The following VGF variants were observed in gnomAD, a reference collection of about 807,000 sequenced individuals.
VGF encodes VGF nerve growth factor inducible.
Under a neutral mutation model 41.1 loss-of-function variants are expected in VGF, and 13 were observed. The ratio of observed to expected loss-of-function variants is 0.32; its 90% confidence interval spans 0.21 to 0.50. The LOEUF (loss-of-function observed/expected upper bound fraction) is 0.50, where lower values mean the gene tolerates loss of function less well. VGF is among the 20% of genes least tolerant of loss of function. The pLI is 0.98. For missense variants in VGF, 920 were observed against 882.1 expected (o/e 1.04, Z -0.54); for synonymous variants, 473 against 418.3 (o/e 1.13, Z -1.60).
In VGF at chr7:101,163,590, C is replaced by A. The variant is rs1404460537; in HGVS notation, c.1254G>T (p.Lys418Asn). ...GGCCCGGCGTCTCCTCCTGGGAGCG[C>A]TTGTCCTCGGCGCCGGCTTCCCCGT... ...EEDGEAGAED[K>N]RSQEETPGHR... Residue 418 changes from lysine (K) to asparagine (N), a missense_variant, in exon 2 of 2, where the codon AAG (lysine) becomes AAT (asparagine). This residue lies in a region of VGF where 654 missense variants were observed against 638.4 expected (regional missense o/e 1.02). Coordinates refer to ENST00000249330, the MANE Select transcript of VGF (RefSeq NM_003378.4). This position sits in a 1 kb window ranked among gnomAD's most constrained non-coding sequence, Gnocchi z 5.0. 6.4e-7 allele frequency: 1 copy of A among 1,567,432 alleles called. No homozygotes were observed. Among genetic ancestry groups the A allele is most frequent in the Non-Finnish European group, 8.6e-7 (1 of 1,157,154 alleles).
Position 101,163,154 on chromosome 7 carries a change from G to T in VGF, c.1690C>A (p.Arg564Ser). The change falls in exon 2 of 2, where the codon CGC becomes AGC. Residue 564 changes from arginine to serine, a missense_variant. Physicochemically the swap from Arg to Ser is moderately radical, Grantham distance 110 (BLOSUM62 -1). Transcript: ENST00000249330. The surrounding 1 kb of genome is among the most constrained non-coding windows in gnomAD (Gnocchi z 5.0). ...TLQPPSALRR[R>S]HYHHALPPSR... ...GGCGGCAAGGCGTGGTGGTAGTGGC[G>T]GCGGCGCAAGGCCGAGGGCGGCTGC... The T allele has an allele frequency of 6.3e-7, 1 of 1,574,814 alleles. No homozygotes were observed.
rs776332228 is a variant in VGF at position 101,163,505 on chromosome 7, T to A, written c.1339A>T (p.Met447Leu). Reference sequence around the variant, plus strand: ...AGGCTGTCGATCGTCTGCGGATCCATCTCCTCGTCGTCCTCCTCCTCCCCG... The same window carrying A: ...AGGCTGTCGATCGTCTGCGGATCCAACTCCTCGTCGTCCTCCTCCTCCCCG... ...EGGEEEDDEE[M>L]DPQTIDSLIE... The change falls in exon 2 of 2, where the codon ATG becomes TTG. Residue 447 changes from methionine to leucine, a missense_variant. This residue lies in a region of VGF where 654 missense variants were observed against 638.4 expected (regional missense o/e 1.02). Transcript: ENST00000249330. The surrounding 1 kb of genome is among the most constrained non-coding windows in gnomAD (Gnocchi z 5.0). 1.2e-6 allele frequency: 2 copies of A among 1,612,118 alleles called. No individual in the cohort carries two copies. Among genetic ancestry groups the A allele is most frequent in the East Asian group, 2.2e-5 (1 of 44,816 alleles).
chr7:101,163,674 T>G lies in VGF; in HGVS notation c.1170A>C (p.Ala390=), dbSNP rs1562868405. ...GCGCCCTCTCCGCCTCCTCCGCCTC[T>G]GCCTCCGCCTCGGCCGCCTCCTCAT... The part of the protein sequence containing the change: ...EEDEEAAEAE[A]EAEEAERARQ... The change falls in exon 2 of 2, where the codon GCA becomes GCC. Residue 390 remains alanine, a synonymous_variant. Transcript: ENST00000249330. The surrounding 1 kb of genome is among the most constrained non-coding windows in gnomAD (Gnocchi z 5.0). The G allele has an allele frequency of 6.5e-7, 1 of 1,537,958 alleles. No individual in the cohort carries two copies. Among genetic ancestry groups the G allele is most frequent in the Admixed American group, 2.0e-5 (1 of 50,986 alleles).
At chr7:101,166,295 C>A (rs1797217540), upstream of VGF, among the ~76,000 whole-genome samples, 1 of 152,196 alleles carries the variant, frequency 6.6e-6, no homozygotes, top group African/African-American at 2.4e-5. Flanking sequence ...GATGTGTGTG[C>A]CTCTGGGTCG....
In VGF at chr7:101,164,324, C is replaced by T; in HGVS notation, c.520G>A (p.Ala174Thr). The T allele has an allele frequency of 6.2e-7, 1 of 1,611,122 alleles. No homozygotes were observed. Reference sequence around the variant, plus strand: ...GCCGCCGTCTCCTGCTGGCGCTTGGCGCTACTTGGACTGAAATCTCGCAGT... The same window carrying T: ...GCCGCCGTCTCCTGCTGGCGCTTGGTGCTACTTGGACTGAAATCTCGCAGT... ...QELRDFSPSS[A>T]KRQQETAAAE... The change falls in exon 2 of 2, where the codon GCC becomes ACC. Residue 174 changes from alanine to threonine, a missense_variant. By Grantham distance (58) the Ala-to-Thr change is moderately conservative (BLOSUM62 0). Around this residue, in one of 3 missense-constraint regions of VGF, gnomAD observed 654 missense variants for 638.4 expected, o/e 1.02. Transcript: ENST00000249330.
At chr7:101,167,591 A>G (rs1288795835), upstream of VGF, among the ~76,000 whole-genome samples, 2 of 151,072 alleles carry the variant, frequency 1.3e-5, no homozygotes, top group Non-Finnish European at 3.0e-5. This position sits in a 1 kb window ranked among gnomAD's most constrained non-coding sequence, Gnocchi z 4.2. Flanking sequence ...ACATCTGGAG[A>G]GGGGGAGGGG....
chr7:101,167,925 T>C (rs1797244589), upstream of VGF, among the ~76,000 whole-genome samples: 1 of 152,094 alleles, frequency 6.6e-6, no homozygotes, highest in Non-Finnish European at 1.5e-5. This position sits in a 1 kb window ranked among gnomAD's most constrained non-coding sequence, Gnocchi z 4.2. Context: ...CTATGTGATG[T>C]TCTATTCCAG....
Position 101,162,893 on chromosome 7 carries a change from G to A in VGF, c.*103C>T, listed in dbSNP as rs753777397. The A allele has an allele frequency of 4.3e-6, 3 of 696,386 alleles. No individual in the cohort carries two copies. The highest frequency in any genetic ancestry group is 1.8e-5 in the South Asian group (1 of 56,426). The allele number at this position is 696,386 out of a possible 1,614,324, so 43.1% of individuals were successfully genotyped here. ...GGACAGGGGCAGGGCCAAGGGGCAG[G>A]GCCGGGGCGCATGCAAACACCGAGG... On this transcript the variant is annotated 3_prime_UTR_variant, in exon 2 of 2. Coordinates refer to ENST00000249330, the MANE Select transcript of VGF (RefSeq NM_003378.4). This position sits in a 1 kb window ranked among gnomAD's most constrained non-coding sequence, Gnocchi z 4.2.
upstream of VGF, among the ~76,000 whole-genome samples, chr7:101,168,970 A>T (rs901243988): frequency 9.2e-5 from 14 of 152,068 alleles, no homozygotes; most frequent in Admixed American, 9.2e-4. Context: ...GAAGATGCTG[A>T]AGGCCCCCTG....
At position 101,164,470 on chromosome 7, in the gene VGF, C is replaced by A; in HGVS notation, c.374G>T (p.Ser125Ile). 6.2e-7 allele frequency: 1 copy of A among 1,602,576 alleles called. No individual in the cohort carries two copies. The highest frequency in any genetic ancestry group is 8.5e-7 in the Non-Finnish European group (1 of 1,178,540). ...LTETVRSQTH[S>I]LPAPESPEPA... ...CTCCGGGCTCTCCGGCGCCGGGAGG[C>A]TGTGGGTCTGGCTGCGCACGGTCTC... Residue 125 changes from serine (S) to isoleucine (I), a missense_variant, in exon 2 of 2, where the codon AGC becomes ATC. Around this residue, in one of 3 missense-constraint regions of VGF, gnomAD observed 654 missense variants for 638.4 expected, o/e 1.02. Coordinates refer to ENST00000249330, the MANE Select transcript of VGF (RefSeq NM_003378.4).
chr7:101,164,347 A>T lies in VGF; in HGVS notation c.497T>A (p.Leu166Gln). 2 of 1,611,938 alleles carry T rather than the reference A, an allele frequency of 1.2e-6. No homozygotes were observed. The highest frequency in any genetic ancestry group is 8.5e-7 in the Non-Finnish European group (1 of 1,179,898). ...GGCGCTACTTGGACTGAAATCTCGC[A>T]GTTCCTGGAGCAGGGACGCTAGCGC... Reference protein sequence around the residue: ...LEALASLLQELRDFSPSSAKR... With the variant: ...LEALASLLQEQRDFSPSSAKR... Residue 166 changes from leucine to glutamine, a missense_variant, in exon 2 of 2, where the codon CTG becomes CAG. By Grantham distance (113) the Leu-to-Gln change is moderately radical. Around this residue, in one of 3 missense-constraint regions of VGF, gnomAD observed 654 missense variants for 638.4 expected, o/e 1.02. Transcript: ENST00000249330.
chr7:101,165,015 G>A (rs1206005276), intron 1 of VGF, 152 bp from the exon 2 acceptor site: 3 of 1,357,552 alleles, frequency 2.2e-6, no homozygotes, highest in Admixed American at 3.2e-5. Flanking sequence ...GAGCAAAGGA[G>A]GAAGATGTTG....
chr7:101,164,163 G>A lies in VGF; in HGVS notation c.681C>T (p.Ala227=), dbSNP rs768898290. The change falls in exon 2 of 2, where the codon GCC becomes GCT. Residue 227 remains alanine (A), a synonymous_variant. Coordinates refer to ENST00000249330, the MANE Select transcript of VGF (RefSeq NM_003378.4). ...GCATACGCGCCTGGAATTGAGAGGG[G>A]GCCGGGGGCGGCAGGGGCGCGCGCT... ...VPERAPLPPP[A]PSQFQARMPD... is the part of the protein sequence containing the mutation. 1 of 1,510,544 alleles carries A rather than the reference G, an allele frequency of 6.6e-7. No individual in the cohort carries two copies. The highest frequency in any genetic ancestry group is 8.8e-7 in the Non-Finnish European group (1 of 1,137,262). 93.6% of individuals were successfully genotyped at this position (1,510,544 alleles called of 1,614,324 possible). A position where few individuals can be genotyped will look rare whatever the true frequency, so the allele number is the denominator to read the frequency against.
chr7:101,163,962 C>T lies in VGF; in HGVS notation c.882G>A (p.Glu294=). Reference sequence around the variant, plus strand: ...GCGCCAGCCCTTGCTGGAGAAGGCGCTCGCCCGCCTCGGAGCCGCCCAGGA... The same window carrying T: ...GCGCCAGCCCTTGCTGGAGAAGGCGTTCGCCCGCCTCGGAGCCGCCCAGGA... ...SALLGGSEAG[E]RLLQQGLAQV... is the part of the protein sequence containing the mutation. The change falls in exon 2 of 2, where the codon GAG becomes GAA. Residue 294 remains glutamate (E), a synonymous_variant. Transcript: ENST00000249330. This position sits in a 1 kb window ranked among gnomAD's most constrained non-coding sequence, Gnocchi z 5.0. The T allele has an allele frequency of 1.4e-6, 2 of 1,457,148 alleles. No homozygotes were observed. The highest frequency in any genetic ancestry group is 1.8e-6 in the Non-Finnish European group (2 of 1,119,290). 90.3% of individuals were successfully genotyped at this position (1,457,148 alleles called of 1,614,324 possible). A position where few individuals can be genotyped will look rare whatever the true frequency, so the allele number is the denominator to read the frequency against.
At chr7:101,168,015 TTTTG>T (rs1248336218), upstream of VGF, among the ~76,000 whole-genome samples, 7 of 99,026 alleles carry the variant, frequency 7.1e-5, no homozygotes, top group East Asian at 2.3e-3. Flanking sequence ...GGTTGTTTTT[TTTTG>T]TTTTTTTTTT....
At chr7:101,165,016 G>A (rs1797195726) in intron 1 of VGF, 153 bp from the exon 2 acceptor site, 3 of 1,357,492 alleles carry the variant, frequency 2.2e-6, no homozygotes, top group East Asian at 2.7e-5. Context: ...AGCAAAGGAG[G>A]AAGATGTTGT....
At chr7:101,164,917 T>TA in intron 1 of VGF, 54 bp from the exon 2 acceptor site, 1 of 1,461,928 alleles carries the variant, frequency 6.8e-7, no homozygotes. Flanking sequence ...TTCCCCTCTC[T>TA]AGGTCTACGT....
chr7:101,165,081 C>T lies in VGF; in HGVS notation c.-20-218G>A, dbSNP rs529525940. ...AATAACCCCCGAAGCCCTCGCTTACCCAGGGCCTCCTCGGCCCCTTCCCTG... is the reference window on the plus strand; with the variant it reads ...AATAACCCCCGAAGCCCTCGCTTACTCAGGGCCTCCTCGGCCCCTTCCCTG... On this transcript the variant is annotated intron_variant, in intron 1 of 1. Transcript: ENST00000249330. The T allele has an allele frequency of 1.5e-4, 191 of 1,246,560 alleles. 1 individual carries two copies. The Middle Eastern group carries it at 3.4e-3, about 22-fold the overall frequency. The allele number at this position is 1,246,560 out of a possible 1,614,324, so 77.2% of individuals were successfully genotyped here.
At chr7:101,166,121 C>A (rs749418436), upstream of VGF, among the ~76,000 whole-genome samples, 1 of 152,146 alleles carries the variant, frequency 6.6e-6, no homozygotes, top group Non-Finnish European at 1.5e-5. Flanking sequence ...CCAAGGACGG[C>A]GTGAACCTGA....
Sources: allele counts gnomAD v4.1 joint callset (sites outside exome capture counted in the v4.1 genomes callset), GRCh38; gene constraint gnomAD v4.1.1; regional missense constraint gnomAD v4.1.1; non-coding constraint Gnocchi (gnomAD v3.1); transcripts MANE v1.5; gene names NCBI Gene and HGNC (gene_info 2026-07-23, HGNC 2026-07-21).